The following NSUN7 variants were observed in gnomAD, a reference collection of about 807,000 sequenced individuals.
NSUN7 encodes protein NSUN7.
Under a neutral mutation model 58.5 loss-of-function variants are expected in NSUN7, and 39 were observed. That is an observed-to-expected ratio of 0.67 (90% CI 0.52 to 0.87). NSUN7 has a LOEUF of 0.87. Among genes scored for constraint, NSUN7 ranks in the 40% least tolerant of loss-of-function variants. The probability of loss-of-function intolerance (pLI) is 0.00; values close to 1 mark genes in which losing one functional copy is unlikely to be tolerated. For missense variants in NSUN7, 765 were observed against 844.1 expected (o/e 0.91, Z 1.16); for synonymous variants, 278 against 303.7 (o/e 0.92, Z 0.88).
chr4:40,764,907 A>G (rs1288889223), intron 4 of NSUN7, among the ~76,000 whole-genome samples: 5 of 151,296 alleles, frequency 3.3e-5, no homozygotes, highest in South Asian at 2.1e-4. Flanking sequence ...CATATCCTTC[A>G]CCCACTTTTT....
chr4:40,771,760 A>G (rs1742022793), intron 4 of NSUN7, among the ~76,000 whole-genome samples: 1 of 148,168 alleles, frequency 6.7e-6, no homozygotes, highest in African/African-American at 2.5e-5. Flanking sequence ...TATATTATTA[A>G]TATTTAATAT....
rs1313237521 is a variant in NSUN7, at chr4:40,798,884, G to A, written c.1380G>A (p.Gly460=). 7 of 1,601,530 alleles carry A rather than the reference G, an allele frequency of 4.4e-6. No individual in the cohort carries two copies. Among genetic ancestry groups the A allele is most frequent in the Non-Finnish European group, 6.0e-6 (7 of 1,169,554 alleles). The change falls in exon 10 of 12, where the codon GGG becomes GGA. Residue 460 remains glycine (G), a synonymous_variant. Transcript: ENST00000381782. ...AAGCACTGGAATTTCAAGACCTTGG[G>A]AATAAAGGACAACCTTACAGGTAAG... ...VKKALEFQDL[G]NKGQPYRLSP...
At chr4:40,798,760 C>T in intron 9 of NSUN7, 27 bp from the exon 10 acceptor site, 1 of 1,254,024 alleles carries the variant, frequency 8.0e-7, no homozygotes, top group South Asian at 1.2e-5. Context: ...ATAGTTGTTA[C>T]AGTCATTGCA....
Position 40,774,907 on chromosome 4 carries a change from TTATAAA to T in NSUN7, c.787_792del (p.Asn263_Ile264del), listed in dbSNP as rs774921075. ...TTTCCATCTCATCTTAAAAATGATC[TTATAAA>T]TATAGATCTTTTCAAAGATTACAAA... On this transcript the variant is annotated inframe_deletion, in exon 6 of 12. Coordinates refer to ENST00000381782, the MANE Select transcript of NSUN7 (RefSeq NM_024677.6). 7 of 1,254,256 alleles carry T rather than the reference TTATAAA, an allele frequency of 5.6e-6. No individual in the cohort carries two copies. Among genetic ancestry groups the T allele is most frequent in the Middle Eastern group, 1.9e-4 (1 of 5,334 alleles). 77.7% of individuals were successfully genotyped at this position (1,254,256 alleles called of 1,614,324 possible).
chr4:40,765,937 C>T (rs965088360), intron 4 of NSUN7, among the ~76,000 whole-genome samples: 1 of 152,138 alleles, frequency 6.6e-6, no homozygotes, highest in African/African-American at 2.4e-5. Flanking sequence ...ATTTTGTATC[C>T]TGAGACTTTG....
chr4:40,788,027 G>T (rs1433124273), intron 7 of NSUN7, among the ~76,000 whole-genome samples: 1 of 152,130 alleles, frequency 6.6e-6, no homozygotes, highest in Non-Finnish European at 1.5e-5. Flanking sequence ...TAGAGATGGG[G>T]TTTCACCATG....
intron 4 of NSUN7, among the ~76,000 whole-genome samples, chr4:40,767,163 A>C (rs1741776807): frequency 6.6e-6 from 1 of 151,620 alleles, no homozygotes; most frequent in Admixed American, 6.6e-5. Flanking sequence ...TAGTTCTTTT[A>C]ATTGTGATGT....
chr4:40,772,041 C>T (rs961301954), intron 4 of NSUN7, among the ~76,000 whole-genome samples: 2 of 151,954 alleles, frequency 1.3e-5, no homozygotes, highest in East Asian at 3.9e-4. Context: ...GATCTTTGCC[C>T]TAAGTCTAAT....
At chr4:40,794,500 T>A (rs754810231) in intron 9 of NSUN7, 24 bp downstream of exon 9, 18 of 1,370,842 alleles carry the variant, frequency 1.3e-5, no homozygotes, top group Non-Finnish European at 1.9e-5. Context: ...AGGCACCATC[T>A]TGTTAAAATA....
intron 2 of NSUN7, among the ~76,000 whole-genome samples, chr4:40,754,642 G>A (rs957727295): frequency 6.6e-6 from 1 of 152,312 alleles, no homozygotes; most frequent in South Asian, 2.1e-4. Flanking sequence ...TATAGGAGCT[G>A]TAAAACTGCA....
chr4:40,752,700 G>A (rs1740896214), intron 2 of NSUN7, among the ~76,000 whole-genome samples: 2 of 151,890 alleles, frequency 1.3e-5, no homozygotes, highest in South Asian at 2.1e-4. Flanking sequence ...GATTACAGGC[G>A]TGAGCCACTG....
intron 7 of NSUN7, 43 bp from the exon 8 acceptor site, chr4:40,790,559 T>C: frequency 1.6e-6 from 2 of 1,275,922 alleles, no homozygotes; most frequent in Non-Finnish European, 2.2e-6. Context: ...ATTAAGATTT[T>C]TCATTAATAT....
intron 7 of NSUN7, among the ~76,000 whole-genome samples, chr4:40,779,251 G>GT (rs1203686414): frequency 6.6e-6 from 1 of 152,114 alleles, no homozygotes; most frequent in African/African-American, 2.4e-5. Context: ...GAGCCCAGGA[G>GT]TTTAAGGTTA....
At position 40,808,519 on chromosome 4, in the gene NSUN7, T is replaced by A. The variant is rs373567742; in HGVS notation, c.1737T>A (p.Asn579Lys). 2.0e-4 allele frequency: 317 copies of A among 1,552,946 alleles called. 2 individuals are homozygous for A. The highest frequency in any genetic ancestry group is 6.6e-4 in the Middle Eastern group (4 of 6,016). ...ATCGAGAAACTAAAGCCAGTGCTAA[T>A]CTATCAGAGACTGTAACAAAACCAC... ...FLNRETKASA[N>K]LSETVTKPPL... The change falls in exon 12 of 12, where the codon AAT becomes AAA. Residue 579 changes from asparagine to lysine, a missense_variant. Physicochemically the swap from Asn to Lys is moderately conservative, Grantham distance 94. Coordinates refer to ENST00000381782, the MANE Select transcript of NSUN7 (RefSeq NM_024677.6).
At position 40,786,499 on chromosome 4, in the gene NSUN7, C is replaced by T. The variant is rs1742829184; in HGVS notation, c.1037-4103C>T. On this transcript the variant is annotated intron_variant, in intron 7 of 11. Coordinates refer to ENST00000381782, the MANE Select transcript of NSUN7 (RefSeq NM_024677.6). Reference sequence around the variant, plus strand: ...ATCAGAAAATCAAGGAGTCCCTGTACTTATAGTTGCTAACAAACAAGATTT... The same window carrying T: ...ATCAGAAAATCAAGGAGTCCCTGTATTTATAGTTGCTAACAAACAAGATTT... 11 of 1,613,074 alleles carry T rather than the reference C, an allele frequency of 6.8e-6. No individual in the cohort carries two copies. In the Admixed American group the frequency reaches 1.0e-4, roughly 15 times the overall value.
At chr4:40,781,443 G>GT (rs1742561177) in intron 7 of NSUN7, among the ~76,000 whole-genome samples, 1 of 151,502 alleles carries the variant, frequency 6.6e-6, no homozygotes, top group African/African-American at 2.4e-5. Flanking sequence ...TTGTTTGTTT[G>GT]TTTTTTTCTT....
intron 7 of NSUN7, chr4:40,786,427 G>A (rs1166842326): frequency 9.3e-6 from 15 of 1,611,880 alleles, no homozygotes; most frequent in East Asian, 4.5e-5. Flanking sequence ...TGTTGATGTC[G>A]AAAGGATGGA....
chr4:40,794,548 A>G (rs1743236172), intron 9 of NSUN7, 72 bp downstream of exon 9: 5 of 902,540 alleles, frequency 5.5e-6, no homozygotes, highest in Non-Finnish European at 7.1e-6. Context: ...TTCACGATCT[A>G]TTATAATCAA....
At chr4:40,776,352 A>G in intron 7 of NSUN7, 93 bp downstream of exon 7, 1 of 820,850 alleles carries the variant, frequency 1.2e-6, no homozygotes, top group East Asian at 2.6e-5. Flanking sequence ...TTTGTAATGT[A>G]AAAGCTCTAT....
Sources: gnomAD v4.1 joint callset for allele counts (sites outside exome capture counted in the v4.1 genomes callset) on GRCh38, gnomAD v4.1.1 for gene constraint, MANE v1.5 for transcripts, NCBI Gene and HGNC (gene_info 2026-07-23, HGNC 2026-07-21) for gene names.